The following COL25A1 variants were observed in gnomAD, a reference collection of about 807,000 sequenced individuals.
COL25A1 encodes collagen type XXV alpha 1 chain, also known as collagen alpha-1(XXV) chain.
In COL25A1, 103 loss-of-function variants were observed where a neutral mutation model predicts 128.4. The observed-to-expected ratio is 0.80, with a 90% CI of 0.68 to 0.94. COL25A1 has a LOEUF of 0.94. COL25A1 is among the 40% of genes least tolerant of loss of function. The pLI is 0.00. For missense variants in COL25A1, 745 were observed against 840.0 expected (o/e 0.89, Z 1.40); for synonymous variants, 279 against 277.2 (o/e 1.01, Z -0.06).
chr4:108,974,229 TACAAG>T, intron 8 of COL25A1, 133 bp downstream of exon 8: 1 of 796,128 alleles, frequency 1.3e-6, no homozygotes, highest in Non-Finnish European at 2.1e-6. Context: ...TTTTTTCACT[TACAAG>T]TGGTATGGTA....
chr4:109,096,080 C>A (rs915074197), intron 3 of COL25A1, among the ~76,000 whole-genome samples: 6 of 152,178 alleles, frequency 3.9e-5, no homozygotes, highest in African/African-American at 1.4e-4. Context: ...GGGTTGGCGA[C>A]ATGAGAGCCA....
chr4:108,849,595 G>A (rs1485845705), intron 26 of COL25A1, among the ~76,000 whole-genome samples: 1 of 152,124 alleles, frequency 6.6e-6, no homozygotes, highest in African/African-American at 2.4e-5. Flanking sequence ...GTTTTGAAAG[G>A]TGACTAAATA....
At chr4:109,155,091 T>C (rs1010336065) in intron 3 of COL25A1, among the ~76,000 whole-genome samples, 5 of 152,230 alleles carry the variant, frequency 3.3e-5, no homozygotes, top group African/African-American at 9.6e-5. Flanking sequence ...GTGTTAAGTA[T>C]ATTCATAAGA....
At position 108,974,576 on chromosome 4, in the gene COL25A1, GA is replaced by G. The variant is rs751843605; in HGVS notation, c.439-18del. 6.3e-6 allele frequency: 10 copies of G among 1,584,334 alleles called. No individual in the cohort carries two copies. Among genetic ancestry groups the G allele is most frequent in the Admixed American group, 1.8e-5 (1 of 56,198 alleles). The stretch of plus-strand genomic sequence containing the variant: ...AGGAGGGCCCTGAAAAAAAGAAAGA[GA>G]AAAAAAATTTTAATTAAAAAAAGAT... On this transcript the variant is annotated intron_variant, in intron 6 of 37. Coordinates refer to ENST00000399132, the MANE Select transcript of COL25A1 (RefSeq NM_198721.4).
chr4:109,024,469 A>T (rs1758062499), intron 5 of COL25A1, among the ~76,000 whole-genome samples: 1 of 152,090 alleles, frequency 6.6e-6, no homozygotes, highest in Non-Finnish European at 1.5e-5. Flanking sequence ...TATGGTTATA[A>T]ATCTATCTAA....
intron 3 of COL25A1, among the ~76,000 whole-genome samples, chr4:109,283,144 A>G (rs1723542046): frequency 6.6e-6 from 1 of 152,242 alleles, no homozygotes; most frequent in Non-Finnish European, 1.5e-5. Context: ...TATATAAAAT[A>G]TAAGTTACTT....
At chr4:108,839,728 T>C (rs1222269339) in intron 31 of COL25A1, among the ~76,000 whole-genome samples, 2 of 152,234 alleles carry the variant, frequency 1.3e-5, no homozygotes, top group Admixed American at 1.3e-4. Context: ...CATAGATATC[T>C]ATGAGGTCTT....
At chr4:109,104,086 T>A (rs896387417) in intron 3 of COL25A1, among the ~76,000 whole-genome samples, 17 of 152,226 alleles carry the variant, frequency 1.1e-4, no homozygotes, top group African/African-American at 3.6e-4. Flanking sequence ...AAAATCACTC[T>A]TTTTAGCCAG....
intron 11 of COL25A1, among the ~76,000 whole-genome samples, chr4:108,925,872 A>G (rs146462557): frequency 6.6e-6 from 1 of 152,284 alleles, no homozygotes; most frequent in East Asian, 1.9e-4. Context: ...ATTACATGGT[A>G]TCATTAACAA....
chr4:108,915,042 C>G (rs995762443), intron 13 of COL25A1, among the ~76,000 whole-genome samples: 1 of 152,198 alleles, frequency 6.6e-6, no homozygotes, highest in Admixed American at 6.5e-5. Flanking sequence ...CTGTACCACA[C>G]TACCTCCTAC....
intron 3 of COL25A1, among the ~76,000 whole-genome samples, chr4:109,204,975 ACTAT>A (rs1458905165): frequency 6.6e-6 from 1 of 152,180 alleles, no homozygotes; most frequent in East Asian, 1.9e-4. Context: ...ACAAAACTTT[ACTAT>A]CTTAGTGTGT....
At chr4:109,162,333 G>A (rs1772656839) in intron 3 of COL25A1, among the ~76,000 whole-genome samples, 1 of 152,164 alleles carries the variant, frequency 6.6e-6, no homozygotes, top group South Asian at 2.1e-4. Flanking sequence ...AGTGACTGGA[G>A]CAGGCAGATC....
intron 28 of COL25A1, 116 bp from the exon 29 acceptor site, chr4:108,845,367 G>C: frequency 1.3e-6 from 1 of 769,600 alleles, no homozygotes; most frequent in Non-Finnish European, 2.2e-6. Context: ...TTATGCACTT[G>C]CTACATAAAA....
intron 20 of COL25A1, among the ~76,000 whole-genome samples, chr4:108,868,563 G>GAAAGAAAC (rs397945202): frequency 5.8e-5 from 1 of 17,368 alleles, no homozygotes; most frequent in African/African-American, 1.2e-4. Flanking sequence ...AAGAAAGAAA[G>GAAAGAAAC]AGAAAGAGAG....
chr4:108,989,203 G>C (rs1228310594), intron 6 of COL25A1, among the ~76,000 whole-genome samples: 1 of 152,224 alleles, frequency 6.6e-6, no homozygotes, highest in Non-Finnish European at 1.5e-5. Context: ...TCGCTGCCAG[G>C]CTCCCAGCTA....
At chr4:109,028,657 C>T (rs766309467) in intron 5 of COL25A1, among the ~76,000 whole-genome samples, 3 of 151,702 alleles carry the variant, frequency 2.0e-5, no homozygotes, top group Non-Finnish European at 4.4e-5. Context: ...ACCCAGGAGG[C>T]GGAGGTTGCA....
chr4:108,873,570 G>GCAA lies in COL25A1; in HGVS notation c.1021-4421_1021-4420insTTG, dbSNP rs78542567. Among the ~76,000 whole-genome samples, 3 of 151,410 alleles carry GCAA rather than the reference G, an allele frequency of 2.0e-5. No individual in the cohort carries two copies. The Admixed American group carries it at 2.0e-4, about 10-fold the overall frequency. ...AGTAGTAGTAGTAGTAGCAGCAGTA[G>GCAA]CAGCAGTAGCAGTAGTAGTAGTAGT... On this transcript the variant is annotated intron_variant, in intron 19 of 37. Coordinates refer to ENST00000399132, the MANE Select transcript of COL25A1 (RefSeq NM_198721.4).
chr4:109,248,558 T>A (rs1304937936), intron 3 of COL25A1, among the ~76,000 whole-genome samples: 1 of 151,006 alleles, frequency 6.6e-6, no homozygotes, highest in East Asian at 1.9e-4. Context: ...AGAATCAGCA[T>A]CTTCCTATTT....
chr4:109,235,513 G>C (rs1397377248), intron 3 of COL25A1, among the ~76,000 whole-genome samples: 1 of 149,614 alleles, frequency 6.7e-6, no homozygotes, highest in South Asian at 2.1e-4. Context: ...AGCACTGAAG[G>C]TATGCCCCCA....
Sources: allele counts gnomAD v4.1 joint callset (sites outside exome capture counted in the v4.1 genomes callset), GRCh38; gene constraint gnomAD v4.1.1; transcripts MANE v1.5; gene names NCBI Gene and HGNC (gene_info 2026-07-23, HGNC 2026-07-21).